Variants in COX7B2 observed in about 807,000 individuals in gnomAD.
COX7B2 encodes cytochrome c oxidase subunit 7B2, mitochondrial.
For missense variants in COX7B2, 109 were observed against 95.9 expected, an observed-to-expected ratio of 1.14 and a Z score of -0.57; for synonymous variants, 37 against 32.1, an observed-to-expected ratio of 1.15 and a Z score of -0.51.
chr4:46,906,456 T>C (rs1475999796), intron 1 of COX7B2, among the ~76,000 whole-genome samples: 1 of 152,252 alleles, frequency 6.6e-6, no homozygotes, highest in Non-Finnish European at 1.5e-5. Context: ...CTTCTATCCT[T>C]CTATCTTTCA....
rs140314071 is a variant in COX7B2 at position 46,762,408 on chromosome 4, T to C, written c.-49-27167A>G. ...TATAATATATATTTACAATATATAATATTATATAATATATATATTTACTAT... is the reference window on the plus strand; with the variant it reads ...TATAATATATATTTACAATATATAACATTATATAATATATATATTTACTAT... On this transcript the variant is annotated intron_variant, in intron 2 of 2. Transcript: ENST00000355591. Among the ~76,000 whole-genome samples, 88 of 137,750 alleles carry C rather than the reference T, an allele frequency of 6.4e-4. No individual in the cohort carries two copies. The East Asian group carries it at 8.1e-3, about 13-fold the overall frequency. 90.4% of individuals were successfully genotyped at this position (137,750 alleles called of 152,430 possible). A position where few individuals can be genotyped will look rare whatever the true frequency, so the allele number is the denominator to read the frequency against.
intron 2 of COX7B2, among the ~76,000 whole-genome samples, chr4:46,830,472 G>A (rs2109723510): frequency 6.6e-6 from 1 of 152,186 alleles, no homozygotes; most frequent in Middle Eastern, 3.4e-3. Flanking sequence ...TTTAGTCTGG[G>A]TATTTGGCAT....
At chr4:46,862,874 G>A (rs1267261630) in intron 1 of COX7B2, among the ~76,000 whole-genome samples, 1 of 152,140 alleles carries the variant, frequency 6.6e-6, no homozygotes, top group Admixed American at 6.5e-5. Context: ...GCTTGTAAGT[G>A]AACTTTTTGT....
At chr4:46,902,761 C>T (rs183110105) in intron 1 of COX7B2, among the ~76,000 whole-genome samples, 20 of 152,282 alleles carry the variant, frequency 1.3e-4, no homozygotes, top group African/African-American at 4.8e-4. Flanking sequence ...CCTGTAATCC[C>T]AGCTACTCGG....
chr4:46,853,120 C>T (rs1158817005), intron 1 of COX7B2, among the ~76,000 whole-genome samples: 1 of 152,076 alleles, frequency 6.6e-6, no homozygotes, highest in African/African-American at 2.4e-5. Context: ...TTGATGAAAA[C>T]GTGACCAGAG....
intron 1 of COX7B2, among the ~76,000 whole-genome samples, chr4:46,865,108 C>T (rs1246811847): frequency 6.6e-6 from 1 of 152,112 alleles, no homozygotes; most frequent in Non-Finnish European, 1.5e-5. Flanking sequence ...AGCACCTCTT[C>T]TACTCTCCCC....
At chr4:46,892,425 G>C (rs1471360618) in intron 1 of COX7B2, among the ~76,000 whole-genome samples, 2 of 152,254 alleles carry the variant, frequency 1.3e-5, no homozygotes, top group Middle Eastern at 3.4e-3. Flanking sequence ...TTTACATGAG[G>C]TGTGTACTGG....
At chr4:46,857,325 G>C (rs192275792) in intron 1 of COX7B2, among the ~76,000 whole-genome samples, 5 of 152,334 alleles carry the variant, frequency 3.3e-5, no homozygotes, top group African/African-American at 1.2e-4. Flanking sequence ...TTTGGACTGT[G>C]AGATGGAAAA....
chr4:46,862,885 A>G (rs912713598), intron 1 of COX7B2, among the ~76,000 whole-genome samples: 3 of 152,182 alleles, frequency 2.0e-5, no homozygotes, highest in Non-Finnish European at 4.4e-5. Context: ...AACTTTTTGT[A>G]TAGCTTAAAA....
Position 46,735,223 on chromosome 4 carries a change from C to G in COX7B2, c.-31G>C. 1 of 1,610,626 alleles carries G rather than the reference C, an allele frequency of 6.2e-7. No individual in the cohort carries two copies. Among genetic ancestry groups the G allele is most frequent in the Non-Finnish European group, 8.5e-7 (1 of 1,179,042 alleles). ...ATTGCAGTTGCCTTCAGCTACTGGT[C>G]TATTTTGTTGCAAAGAGGCTGGAAA... is the stretch of plus-strand genomic sequence containing the variant. On this transcript the variant is annotated 5_prime_UTR_variant, in exon 3 of 3. Transcript: ENST00000355591.
intron 1 of COX7B2, among the ~76,000 whole-genome samples, chr4:46,864,644 T>TTTTGTTTGTTTGTTTG (rs57824496): frequency 1.7e-3 from 249 of 149,248 alleles, no homozygotes; most frequent in South Asian, 5.3e-3. Flanking sequence ...CAGAGTTGTT[T>TTTTGTTTGTTTGTTTG]TTTGTTTGTT....
At chr4:46,775,507 G>A (rs1230711628) in intron 2 of COX7B2, among the ~76,000 whole-genome samples, 4 of 152,080 alleles carry the variant, frequency 2.6e-5, no homozygotes, top group Non-Finnish European at 5.9e-5. Flanking sequence ...TTACTATTTA[G>A]TGATGAATAA....
rs892274269 is a variant in COX7B2 at position 46,758,087 on chromosome 4, C to T, written c.-49-22846G>A. The stretch of plus-strand genomic sequence containing the variant: ...GTAATTTCATTCTATAAGTATTCTA[C>T]AATACTTTATGGTAATTTCATTCTA... On this transcript the variant is annotated intron_variant, in intron 2 of 2. Transcript: ENST00000355591. 1.1e-4 allele frequency among the ~76,000 whole-genome samples: 16 copies of T among 152,020 alleles called. 1 individual carries two copies. Among genetic ancestry groups the T allele is most frequent in the Admixed American group, 1.1e-3 (16 of 15,224 alleles).
chr4:46,825,635 C>A (rs978121672), intron 2 of COX7B2, among the ~76,000 whole-genome samples: 2 of 151,794 alleles, frequency 1.3e-5, no homozygotes, highest in African/African-American at 2.4e-5. Flanking sequence ...TCAAACTATA[C>A]TTCAAGGCTA....
chr4:46,780,202 G>T (rs531603433), intron 2 of COX7B2, among the ~76,000 whole-genome samples: 78 of 152,222 alleles, frequency 5.1e-4, no homozygotes, highest in African/African-American at 1.7e-3. Context: ...ATGACTAAAG[G>T]TAAAGCTCTT....
rs186317051 is a variant in COX7B2, at chr4:46,828,374, G to T, written c.-50+16586C>A. 3.6e-3 allele frequency among the ~76,000 whole-genome samples: 552 copies of T among 152,274 alleles called. 4 individuals carry two copies. The highest frequency in any genetic ancestry group is 5.8e-3 in the Non-Finnish European group (396 of 68,008). ...TAAAGAAGCACAAAGTTCAAATTAT[G>T]AGTTTTCAAATTAACAAAATTCAGA... On this transcript the variant is annotated intron_variant, in intron 2 of 2. Coordinates refer to ENST00000355591, the MANE Select transcript of COX7B2 (RefSeq NM_130902.3).
chr4:46,864,436 C>T (rs1236489093), intron 1 of COX7B2, among the ~76,000 whole-genome samples: 3 of 152,132 alleles, frequency 2.0e-5, no homozygotes, highest in African/African-American at 7.2e-5. Flanking sequence ...AAAACCACCT[C>T]TCCAAGTTGT....
At chr4:46,841,401 C>T (rs989477738) in intron 2 of COX7B2, among the ~76,000 whole-genome samples, 1 of 150,354 alleles carries the variant, frequency 6.7e-6, no homozygotes, top group African/African-American at 2.4e-5. Context: ...GGAGATGCCA[C>T]TGTAGGGCAG....
intron 2 of COX7B2, among the ~76,000 whole-genome samples, chr4:46,841,954 C>T (rs960925689): frequency 2.6e-5 from 4 of 151,952 alleles, no homozygotes; most frequent in African/African-American, 9.7e-5. Context: ...TGGCAATGCA[C>T]ATCAAACTTA....
Sources: gnomAD v4.1 joint callset for allele counts (sites outside exome capture counted in the v4.1 genomes callset) on GRCh38, gnomAD v4.1.1 for gene constraint, MANE v1.5 for transcripts, NCBI Gene and HGNC (gene_info 2026-07-23, HGNC 2026-07-21) for gene names.